Variants in BCKDHB observed in about 807,000 individuals in gnomAD.
BCKDHB encodes the protein branched chain keto acid dehydrogenase E1 subunit beta.
In BCKDHB, 41 loss-of-function variants were observed where a neutral mutation model predicts 48.5. The observed-to-expected ratio is 0.85, with a 90% CI of 0.66 to 1.10. The LOEUF is 1.10. Among genes scored for constraint, BCKDHB ranks in the 50% least tolerant of loss-of-function variants. BCKDHB has a pLI of 0.00. For missense variants in BCKDHB, 496 were observed against 494.2 expected (o/e 1.00, Z -0.03); for synonymous variants, 201 against 174.8 (o/e 1.15, Z -1.18).
the BCKDHB span, among the ~76,000 whole-genome samples, chr6:80,417,840 T>C: frequency 6.6e-6 from 1 of 152,168 alleles, no homozygotes; most frequent in Admixed American, 6.5e-5. Context: ...AGTATCTTAC[T>C]GAGGTTCCCT....
chr6:80,385,462 T>C, the BCKDHB span, among the ~76,000 whole-genome samples: 1 of 152,188 alleles, frequency 6.6e-6, no homozygotes, highest in Non-Finnish European at 1.5e-5. Flanking sequence ...ACACTGAGTT[T>C]GTAAACTCTA....
the BCKDHB span, among the ~76,000 whole-genome samples, chr6:80,447,590 C>T: frequency 6.6e-6 from 1 of 151,994 alleles, no homozygotes; most frequent in South Asian, 2.1e-4. Context: ...CCCTAAATTT[C>T]TTATGCCTAG....
intron 1 of BCKDHB, among the ~76,000 whole-genome samples, chr6:80,115,838 G>A (rs181571941): frequency 1.1e-4 from 16 of 151,978 alleles, no homozygotes; most frequent in Admixed American, 2.0e-4. Flanking sequence ...GAGTTTTACC[G>A]TGTTAGCAAG....
In BCKDHB at chr6:80,344,790, T is replaced by C. The variant is rs1770115996; in HGVS notation, c.*986T>C. On this transcript the variant is annotated 3_prime_UTR_variant, in exon 10 of 10. Coordinates refer to ENST00000320393, the MANE Select transcript of BCKDHB (RefSeq NM_183050.4). Reference sequence around the variant, plus strand: ...ACTTCAACCTTTATTTTTGTATATATTTTTTCAGCTACTTAAACTGTTCAT... The same window carrying C: ...ACTTCAACCTTTATTTTTGTATATACTTTTTCAGCTACTTAAACTGTTCAT... 1 of 152,208 alleles carries C rather than the reference T, an allele frequency of 6.6e-6. No homozygotes were observed. The highest frequency in any genetic ancestry group is 1.5e-5 in the Non-Finnish European group (1 of 68,032). The allele number at this position is 152,208 out of a possible 1,614,324, so 9.4% of individuals were successfully genotyped here.
At chr6:80,367,991 G>T in the BCKDHB span, among the ~76,000 whole-genome samples, 4 of 152,224 alleles carry the variant, frequency 2.6e-5, no homozygotes, top group African/African-American at 9.6e-5. Flanking sequence ...TTCTGAGAGT[G>T]ACGCTGTGTG....
the BCKDHB span, among the ~76,000 whole-genome samples, chr6:80,405,062 T>C: frequency 3.6e-4 from 55 of 152,214 alleles, no homozygotes; most frequent in Non-Finnish European, 5.0e-4. Flanking sequence ...ATTTCCTCTA[T>C]AGTGCTGCTC....
chr6:80,326,870 G>T (rs937920419), intron 9 of BCKDHB, among the ~76,000 whole-genome samples: 6 of 150,752 alleles, frequency 4.0e-5, no homozygotes, highest in African/African-American at 1.5e-4. Flanking sequence ...AGTCTCAAAA[G>T]AAAAGAAAAA....
the BCKDHB span, among the ~76,000 whole-genome samples, chr6:80,368,184 A>C: frequency 6.6e-6 from 1 of 152,200 alleles, no homozygotes; most frequent in South Asian, 2.1e-4. Flanking sequence ...CCAGCCTCTG[A>C]ATATCCAACT....
the BCKDHB span, among the ~76,000 whole-genome samples, chr6:80,436,777 A>G: frequency 1.3e-5 from 2 of 152,306 alleles, no homozygotes; most frequent in African/African-American, 2.4e-5. Flanking sequence ...CCGTAAATCC[A>G]TGTAGAGATC....
At chr6:80,310,203 G>A (rs1287576094) in intron 9 of BCKDHB, among the ~76,000 whole-genome samples, 1 of 151,804 alleles carries the variant, frequency 6.6e-6, no homozygotes, top group Non-Finnish European at 1.5e-5. Context: ...CATCACCCAA[G>A]TATTAAGCCC....
chr6:80,229,861 T>C (rs1345632411), intron 8 of BCKDHB, among the ~76,000 whole-genome samples: 2 of 151,800 alleles, frequency 1.3e-5, no homozygotes, highest in Non-Finnish European at 2.9e-5. Context: ...TTAGAATAAA[T>C]TTTACAAGAA....
intron 5 of BCKDHB, 146 bp from the exon 6 acceptor site, chr6:80,171,136 A>G: frequency 1.7e-6 from 1 of 575,114 alleles, no homozygotes; most frequent in Non-Finnish European, 3.1e-6. Context: ...TGTAAACTTA[A>G]TAAGTGATAA....
chr6:80,279,570 G>A (rs1310198658), intron 9 of BCKDHB, among the ~76,000 whole-genome samples: 1 of 151,598 alleles, frequency 6.6e-6, no homozygotes. Flanking sequence ...AGCATCCAAT[G>A]GATCCTCATT....
chr6:80,196,718 G>T (rs768063173), intron 6 of BCKDHB, among the ~76,000 whole-genome samples: 1 of 152,014 alleles, frequency 6.6e-6, no homozygotes, highest in Non-Finnish European at 1.5e-5. Context: ...CAAATTAGAA[G>T]AAAACTGGGA....
chr6:80,378,985 G>A, the BCKDHB span, among the ~76,000 whole-genome samples: 2 of 152,190 alleles, frequency 1.3e-5, no homozygotes, highest in East Asian at 3.9e-4. Flanking sequence ...ACCAGGACCA[G>A]ACAGATACAC....
chr6:80,432,721 C>T, the BCKDHB span, among the ~76,000 whole-genome samples: 1 of 152,122 alleles, frequency 6.6e-6, no homozygotes, highest in Non-Finnish European at 1.5e-5. Flanking sequence ...TGTTTCCTTG[C>T]TGGTGAGGAG....
intron 6 of BCKDHB, among the ~76,000 whole-genome samples, chr6:80,199,083 C>T (rs75704265): frequency 0.035 from 5,394 of 152,224 alleles, 308 homozygotes; most frequent in African/African-American, 0.12. Flanking sequence ...AATTCAGAGT[C>T]TGCTGTGGGT....
At chr6:80,184,770 C>T (rs1191071573) in intron 6 of BCKDHB, among the ~76,000 whole-genome samples, 1 of 152,044 alleles carries the variant, frequency 6.6e-6, no homozygotes, top group African/African-American at 2.4e-5. Context: ...GACCCTAATC[C>T]CTCTTGGCTT....
chr6:80,216,204 G>A (rs1376602551), intron 8 of BCKDHB, among the ~76,000 whole-genome samples: 1 of 152,202 alleles, frequency 6.6e-6, no homozygotes, highest in African/African-American at 2.4e-5. Flanking sequence ...GGAAGGTGGA[G>A]CAGCTTACAG....
Sources: allele counts gnomAD v4.1 joint callset (sites outside exome capture counted in the v4.1 genomes callset), GRCh38; gene constraint gnomAD v4.1.1; transcripts MANE v1.5; gene names NCBI Gene and HGNC (gene_info 2026-07-23, HGNC 2026-07-21).